Variants in FBXO42 observed in about 807,000 individuals in gnomAD.
The protein encoded by FBXO42 is F-box only protein 42.
Under a neutral mutation model 71.7 loss-of-function variants are expected in FBXO42, and 12 were observed. The ratio of observed to expected loss-of-function variants is 0.17; its 90% CI spans 0.11 to 0.27. The LOEUF (loss-of-function observed/expected upper bound fraction) is 0.27, where lower values mean the gene tolerates loss of function less well. Among genes scored for constraint, FBXO42 ranks in the 10% least tolerant of loss-of-function variants. The probability of loss-of-function intolerance (pLI) is 1.00; values close to 1 mark genes in which losing one functional copy is unlikely to be tolerated. For missense variants in FBXO42, 707 were observed against 911.9 expected (o/e 0.78, Z 2.89); for synonymous variants, 325 against 327.5 (o/e 0.99, Z 0.08).
At chr1:16,294,694 T>C in intron 4 of FBXO42, 89 bp downstream of exon 4, 1 of 1,455,270 alleles carries the variant, frequency 6.9e-7, no homozygotes, top group Non-Finnish European at 9.4e-7. Context: ...AACCCATCCT[T>C]GAGACCAACA....
At chr1:16,351,626 G>T (rs899504210) in intron 1 of FBXO42, among the ~76,000 whole-genome samples, 1 of 151,950 alleles carries the variant, frequency 6.6e-6, no homozygotes, top group Non-Finnish European at 1.5e-5. Flanking sequence ...TTACAAATTC[G>T]TTCCCACCCT....
chr1:16,294,606 C>A, intron 4 of FBXO42, 177 bp downstream of exon 4: 1 of 642,878 alleles, frequency 1.6e-6, no homozygotes, highest in Non-Finnish European at 2.5e-6. Context: ...TATAATTTAA[C>A]AAAAAACAAA....
chr1:16,288,311 C>A (rs554240931), intron 4 of FBXO42, among the ~76,000 whole-genome samples: 1 of 151,762 alleles, frequency 6.6e-6, no homozygotes, highest in Admixed American at 6.6e-5. Flanking sequence ...ATGCCTGTAA[C>A]CCCAGCTACT....
Position 16,252,283 on chromosome 1 carries a change from C to T in FBXO42, c.1038+5G>A. On this transcript the variant is annotated splice_donor_5th_base_variant and intron_variant, in intron 9 of 9. Transcript: ENST00000375592. This position sits in a 1 kb window ranked among gnomAD's most constrained non-coding sequence, Gnocchi z 4.4. ...CTCCTGCTAGCCTGTCAGCTCCCTG[C>T]TTACCCGGCAAGCTGGATGGCACCA... 1 of 1,611,200 alleles carries T rather than the reference C, an allele frequency of 6.2e-7. No homozygotes were observed. Among genetic ancestry groups the T allele is most frequent in the Non-Finnish European group, 8.5e-7 (1 of 1,177,282 alleles).
intron 1 of FBXO42, among the ~76,000 whole-genome samples, chr1:16,316,730 C>CAAAAAAAAAAAAAAAA (rs71003274): frequency 1.6e-4 from 8 of 51,568 alleles, no homozygotes; most frequent in Non-Finnish European, 2.4e-4. Context: ...GAAAGACTCT[C>CAAAAAAAAAAAAAAAA]AAAAAAAAAA....
intron 4 of FBXO42, among the ~76,000 whole-genome samples, chr1:16,288,428 C>CA (rs1185309406): frequency 4.1e-5 from 6 of 147,984 alleles, no homozygotes; most frequent in South Asian, 2.1e-4. Flanking sequence ...GACTCCATCT[C>CA]AAAAAAAATA....
chr1:16,308,227 C>T (rs988466083), intron 2 of FBXO42, among the ~76,000 whole-genome samples: 3 of 152,108 alleles, frequency 2.0e-5, no homozygotes, highest in Non-Finnish European at 2.9e-5. Flanking sequence ...GTGTTCCTCC[C>T]ATCTCAGCCT....
intron 1 of FBXO42, among the ~76,000 whole-genome samples, chr1:16,341,609 TAAAAA>T (rs34904915): frequency 1.8e-5 from 2 of 113,282 alleles, no homozygotes; most frequent in Admixed American, 1.0e-4. Context: ...CTGCGTCTTT[TAAAAA>T]AAAAAAAAAA....
At chr1:16,268,783 G>C (rs769580385) in intron 4 of FBXO42, among the ~76,000 whole-genome samples, 6 of 152,014 alleles carry the variant, frequency 3.9e-5, no homozygotes, top group Non-Finnish European at 8.8e-5. Flanking sequence ...GACCAACATG[G>C]AGAAACCCCG....
At chr1:16,316,930 C>G (rs1489603764) in intron 1 of FBXO42, among the ~76,000 whole-genome samples, 1 of 151,936 alleles carries the variant, frequency 6.6e-6, no homozygotes, top group Non-Finnish European at 1.5e-5. Flanking sequence ...AAATATAGAG[C>G]AAAGAACCAC....
chr1:16,337,698 C>T (rs1455409973), intron 1 of FBXO42, among the ~76,000 whole-genome samples: 2 of 150,374 alleles, frequency 1.3e-5, no homozygotes, highest in Non-Finnish European at 3.0e-5. Flanking sequence ...GCCTGCCCAA[C>T]ATGGTGAAAC....
intron 1 of FBXO42, among the ~76,000 whole-genome samples, chr1:16,328,736 G>A (rs1251159627): frequency 2.6e-5 from 4 of 152,078 alleles, no homozygotes; most frequent in Non-Finnish European, 5.9e-5. Flanking sequence ...TTCTAATACC[G>A]TTCTCCAATA....
At chr1:16,295,831 T>C (rs1447109900) in intron 3 of FBXO42, among the ~76,000 whole-genome samples, 2 of 152,200 alleles carry the variant, frequency 1.3e-5, no homozygotes, top group East Asian at 1.9e-4. Flanking sequence ...TCAATAGTAG[T>C]ATGGTCTTGG....
In FBXO42 at chr1:16,305,894, A is replaced by G; in HGVS notation, c.276T>C (p.Gly92=). The part of the protein sequence containing the change: ...IKGVAHQCYH[G]FMKAVQEGNI... ...TTCCTTCCTGGACAGCCTTCATGAAACCATGATAACACTGATGGGCTACAC... is the reference window on the plus strand; with the variant it reads ...TTCCTTCCTGGACAGCCTTCATGAAGCCATGATAACACTGATGGGCTACAC... The change falls in exon 3 of 10, where the codon GGT becomes GGC. Residue 92 remains glycine, a synonymous_variant. Coordinates refer to ENST00000375592, the MANE Select transcript of FBXO42 (RefSeq NM_018994.3). 6.2e-7 allele frequency: 1 copy of G among 1,614,098 alleles called. No individual in the cohort carries two copies. Among genetic ancestry groups the G allele is most frequent in the South Asian group, 1.1e-5 (1 of 91,086 alleles).
At chr1:16,341,436 C>A in intron 1 of FBXO42, among the ~76,000 whole-genome samples, 1 of 151,216 alleles carries the variant, frequency 6.6e-6, no homozygotes, top group East Asian at 1.9e-4. Context: ...ACCGTCTCTA[C>A]TGAAAATGCA....
intron 4 of FBXO42, among the ~76,000 whole-genome samples, chr1:16,276,649 A>T (rs12144597): frequency 0.19 from 28,973 of 152,214 alleles, 3,169 homozygotes; most frequent in Non-Finnish European, 0.24. Context: ...TCTATATAGC[A>T]TTGGAGATAT....
chr1:16,328,897 G>A (rs1246949494), intron 1 of FBXO42, among the ~76,000 whole-genome samples: 1 of 152,128 alleles, frequency 6.6e-6, no homozygotes, highest in Admixed American at 6.6e-5. Context: ...GGGTGCGGTG[G>A]CTCACGCCTG....
chr1:16,349,240 G>A (rs1018972319), intron 1 of FBXO42, among the ~76,000 whole-genome samples: 2 of 152,112 alleles, frequency 1.3e-5, no homozygotes, highest in Non-Finnish European at 2.9e-5. Flanking sequence ...AGCCATCCCT[G>A]CTCCAAGAAG....
chr1:16,326,366 T>A (rs535413361), intron 1 of FBXO42, among the ~76,000 whole-genome samples: 1 of 151,018 alleles, frequency 6.6e-6, no homozygotes, highest in East Asian at 2.0e-4. Flanking sequence ...TCTTTATTGT[T>A]AATACAACTA....
Sources: allele counts gnomAD v4.1 joint callset (sites outside exome capture counted in the v4.1 genomes callset), GRCh38; gene constraint gnomAD v4.1.1; non-coding constraint Gnocchi (gnomAD v3.1); transcripts MANE v1.5; gene names NCBI Gene and HGNC (gene_info 2026-07-23, HGNC 2026-07-21).